The following RALGAPB variants were observed in gnomAD, a reference collection of about 807,000 sequenced individuals.
RALGAPB encodes the protein ral GTPase-activating protein subunit beta.
Under a neutral mutation model 161.1 loss-of-function variants are expected in RALGAPB, and 25 were observed. The observed-to-expected ratio is 0.16, with a 90% confidence interval of 0.11 to 0.22. RALGAPB has a LOEUF of 0.22. Ranked by LOEUF, RALGAPB falls within the 10% of genes least tolerant of loss-of-function variation. The pLI, the probability that RALGAPB is intolerant of heterozygous loss-of-function variation, is 1.00. For missense variants in RALGAPB, 1,391 were observed against 1,815.2 expected (o/e 0.77, Z 4.25); for synonymous variants, 629 against 626.1 (o/e 1.00, Z -0.07).
intron 3 of RALGAPB, 29 bp from the exon 4 acceptor site, chr20:38,497,324 T>A: frequency 1.2e-6 from 2 of 1,606,462 alleles, no homozygotes; most frequent in Non-Finnish European, 8.5e-7. Flanking sequence ...CCTCCAGGCT[T>A]GTCAGTGATA....
intron 2 of RALGAPB, among the ~76,000 whole-genome samples, chr20:38,488,948 A>G (rs1352256864): frequency 1.3e-5 from 2 of 152,206 alleles, no homozygotes; most frequent in Non-Finnish European, 2.9e-5. Flanking sequence ...CCAAAGATCT[A>G]GGCTTAGTCT....
chr20:38,541,061 G>A lies in RALGAPB; in HGVS notation c.2583G>A (p.Leu861=), dbSNP rs758212249. The A allele has an allele frequency of 6.2e-7, 1 of 1,614,090 alleles. No homozygotes were observed. Among genetic ancestry groups the A allele is most frequent in the Admixed American group, 1.7e-5 (1 of 60,028 alleles). ...LDEKDCLKEV[L]EIVELGISGS... ...TTTAGGACTGCCTTAAGGAAGTACTGGAGATTGTGGAACTGGGTATCTCAG... is the reference window on the plus strand; with the variant it reads ...TTTAGGACTGCCTTAAGGAAGTACTAGAGATTGTGGAACTGGGTATCTCAG... The change falls in exon 18 of 30, where the codon CTG becomes CTA. Residue 861 remains leucine, a synonymous_variant. Coordinates refer to ENST00000262879, the MANE Select transcript of RALGAPB (RefSeq NM_020336.4).
intron 1 of RALGAPB, among the ~76,000 whole-genome samples, chr20:38,474,774 A>T (rs1183246094): frequency 6.6e-6 from 1 of 152,122 alleles, no homozygotes; most frequent in Non-Finnish European, 1.5e-5. Context: ...TAGGGCAGGG[A>T]CTATGTTTTC....
intron 1 of RALGAPB, among the ~76,000 whole-genome samples, chr20:38,478,328 G>T (rs1422649599): frequency 6.6e-6 from 1 of 152,188 alleles, no homozygotes; most frequent in Non-Finnish European, 1.5e-5. Context: ...AACCTTCTAG[G>T]GTTGTTATTG....
intron 1 of RALGAPB, among the ~76,000 whole-genome samples, chr20:38,485,386 T>C (rs2085084924): frequency 1.3e-5 from 2 of 152,190 alleles, no homozygotes; most frequent in African/African-American, 4.8e-5. Flanking sequence ...AATCTCTCAG[T>C]TGGGTCCTTA....
chr20:38,549,533 TAAAAAAA>T (rs66699514), intron 20 of RALGAPB, among the ~76,000 whole-genome samples: 1 of 138,596 alleles, frequency 7.2e-6, no homozygotes, highest in African/African-American at 2.6e-5. Context: ...CCAGCCTAAT[TAAAAAAA>T]AAAAAAAAAA....
At chr20:38,559,240 G>A (rs972062766) in intron 23 of RALGAPB, among the ~76,000 whole-genome samples, 4 of 152,244 alleles carry the variant, frequency 2.6e-5, no homozygotes, top group African/African-American at 4.8e-5. Flanking sequence ...AATATTTATG[G>A]AACATCTTCC....
intron 23 of RALGAPB, among the ~76,000 whole-genome samples, chr20:38,560,420 AAAT>A (rs2087746842): frequency 6.6e-6 from 1 of 152,232 alleles, no homozygotes; most frequent in Non-Finnish European, 1.5e-5. Context: ...GTCACTGACA[AAAT>A]AATAATAACG....
At chr20:38,513,882 T>C (rs1461096628) in intron 6 of RALGAPB, among the ~76,000 whole-genome samples, 1 of 152,246 alleles carries the variant, frequency 6.6e-6, no homozygotes, top group Admixed American at 6.5e-5. Flanking sequence ...AGTTCTATCT[T>C]TTCATGAATT....
At chr20:38,570,116 C>A in intron 27 of RALGAPB, 120 bp downstream of exon 27, 2 of 746,976 alleles carry the variant, frequency 2.7e-6, no homozygotes, top group South Asian at 1.8e-5. Context: ...TGGAGTTCAG[C>A]AAGCCTTGGT....
intron 18 of RALGAPB, among the ~76,000 whole-genome samples, chr20:38,545,070 G>A (rs755423308): frequency 1.6e-4 from 25 of 151,890 alleles, no homozygotes; most frequent in Non-Finnish European, 3.1e-4. Flanking sequence ...CTCTTTCTAT[G>A]GTATATTATC....
At chr20:38,543,940 G>A (rs1473793354) in intron 18 of RALGAPB, among the ~76,000 whole-genome samples, 1 of 152,226 alleles carries the variant, frequency 6.6e-6, no homozygotes, top group Non-Finnish European at 1.5e-5. Flanking sequence ...TGTCTCGCCA[G>A]TCTGGGGAGC....
intron 2 of RALGAPB, among the ~76,000 whole-genome samples, chr20:38,489,355 T>A (rs113430817): frequency 3.2e-4 from 48 of 152,198 alleles, no homozygotes; most frequent in Admixed American, 7.8e-4. Flanking sequence ...ATTTAAAAAA[T>A]TTTTTTATAG....
At chr20:38,529,060 G>T (rs2086565551) in intron 13 of RALGAPB, among the ~76,000 whole-genome samples, 1 of 152,124 alleles carries the variant, frequency 6.6e-6, no homozygotes, top group Admixed American at 6.5e-5. Flanking sequence ...AACAACATGG[G>T]TGTTAGTGAT....
At chr20:38,539,519 C>T (rs1425172923) in intron 16 of RALGAPB, among the ~76,000 whole-genome samples, 2 of 152,014 alleles carry the variant, frequency 1.3e-5, no homozygotes, top group Non-Finnish European at 2.9e-5. Flanking sequence ...ACAGGTATAC[C>T]CAATGGGTTT....
intron 1 of RALGAPB, among the ~76,000 whole-genome samples, chr20:38,486,013 A>G (rs570312323): frequency 9.3e-6 from 1 of 107,770 alleles, no homozygotes; most frequent in South Asian, 3.0e-4. Flanking sequence ...TTTGTCGCCC[A>G]GGCTGGGGTG....
At chr20:38,537,242 A>G (rs1043725197) in intron 16 of RALGAPB, among the ~76,000 whole-genome samples, 4 of 152,168 alleles carry the variant, frequency 2.6e-5, no homozygotes, top group Admixed American at 2.6e-4. Flanking sequence ...CAAAGGAGAA[A>G]GGGTGGTCTT....
Position 38,543,097 on chromosome 20 carries a change from A to G in RALGAPB, c.2714+1905A>G, listed in dbSNP as rs1178614903. Among the ~76,000 whole-genome samples, 6 of 152,176 alleles carry G rather than the reference A, an allele frequency of 3.9e-5. No homozygotes were observed. In the East Asian group the frequency reaches 1.2e-3, roughly 29 times the overall value. ...ATGCTTCTTCTCAACCTCACCAGTA[A>G]GCTACATGGCTCATCTGTTTCGCTT... On this transcript the variant is annotated intron_variant, in intron 18 of 29. Transcript: ENST00000262879.
At chr20:38,560,978 G>A (rs1243307435) in intron 23 of RALGAPB, among the ~76,000 whole-genome samples, 1 of 152,160 alleles carries the variant, frequency 6.6e-6, no homozygotes, top group East Asian at 1.9e-4. Context: ...CAGTTTCTTG[G>A]CGTCCATAAG....
Sources: allele counts gnomAD v4.1 joint callset (sites outside exome capture counted in the v4.1 genomes callset), GRCh38; gene constraint gnomAD v4.1.1; transcripts MANE v1.5; gene names NCBI Gene and HGNC (gene_info 2026-07-23, HGNC 2026-07-21).